The following MCC variants were observed in gnomAD, a reference collection of about 807,000 sequenced individuals.
MCC encodes MCC regulator of Wnt signaling pathway, also known as colorectal mutant cancer protein.
MCC carries 90 observed loss-of-function variants against 116.2 expected under a neutral mutation model. The ratio of observed to expected loss-of-function variants is 0.77; its 90% CI spans 0.65 to 0.92. The LOEUF (loss-of-function observed/expected upper bound fraction) is 0.92. MCC is among the 40% of genes least tolerant of loss of function. The pLI is 0.00. For synonymous variants in MCC, 578 were observed against 510.5 expected (o/e 1.13, Z -1.78); for missense variants, 1,516 against 1,312.2 (o/e 1.16, Z -2.40).
chr5:113,108,331 T>TAAAAAAAA (rs56780207), intron 6 of MCC, among the ~76,000 whole-genome samples: 4 of 42,724 alleles, frequency 9.4e-5, no homozygotes, highest in African/African-American at 3.0e-4. Flanking sequence ...CACTCTATCT[T>TAAAAAAAA]AAAAAAAAAA....
intron 3 of MCC, among the ~76,000 whole-genome samples, chr5:113,277,458 T>C (rs2150355701): frequency 6.6e-6 from 1 of 152,300 alleles, no homozygotes; most frequent in East Asian, 1.9e-4. Context: ...TGTATGAATA[T>C]GCACTATTTT....
chr5:113,332,738 C>G (rs1257368147), intron 3 of MCC, among the ~76,000 whole-genome samples: 1 of 151,518 alleles, frequency 6.6e-6, no homozygotes, highest in Non-Finnish European at 1.5e-5. Context: ...TAGTTTGTAT[C>G]TCTACCAAAC....
intron 1 of MCC, among the ~76,000 whole-genome samples, chr5:113,410,048 A>C (rs1769939874): frequency 6.6e-6 from 1 of 151,600 alleles, no homozygotes; most frequent in Admixed American, 6.6e-5. Flanking sequence ...GGATCTGTCT[A>C]TGTAACGGAA....
intron 3 of MCC, among the ~76,000 whole-genome samples, chr5:113,153,164 G>A (rs376632333): frequency 2.0e-5 from 3 of 152,206 alleles, no homozygotes; most frequent in African/African-American, 2.4e-5. Flanking sequence ...CCTCACCTCC[G>A]GCGAAAAGGA....
intron 14 of MCC, among the ~76,000 whole-genome samples, chr5:113,055,935 G>A: frequency 6.6e-6 from 1 of 152,200 alleles, no homozygotes; most frequent in East Asian, 1.9e-4. Flanking sequence ...TCAGACTCAG[G>A]ATGGCAACAT....
chr5:113,209,848 G>GAACA (rs373662127), intron 3 of MCC, among the ~76,000 whole-genome samples: 8 of 151,710 alleles, frequency 5.3e-5, no homozygotes, highest in East Asian at 3.9e-4. Context: ...AGTCTGACCA[G>GAACA]AACAAACAAA....
At chr5:113,328,321 T>A (rs1276274464) in intron 3 of MCC, among the ~76,000 whole-genome samples, 1 of 152,200 alleles carries the variant, frequency 6.6e-6, no homozygotes. Context: ...AACACATTAA[T>A]TCCTTCTGCC....
At chr5:113,105,550 C>T (rs181989509) in intron 6 of MCC, among the ~76,000 whole-genome samples, 1 of 152,330 alleles carries the variant, frequency 6.6e-6, no homozygotes. Flanking sequence ...CCATGAATGG[C>T]ACCCCTATCC....
chr5:113,387,080 C>T (rs1021580453), intron 1 of MCC, among the ~76,000 whole-genome samples: 11 of 152,034 alleles, frequency 7.2e-5, no homozygotes, highest in African/African-American at 2.4e-4. Context: ...TGAGCTTGTC[C>T]CCTTTTGCTT....
At chr5:113,487,645 T>C (rs1025388393) in intron 1 of MCC, among the ~76,000 whole-genome samples, 3 of 152,268 alleles carry the variant, frequency 2.0e-5, no homozygotes, top group Admixed American at 2.0e-4. Context: ...AGTTTGCTCC[T>C]GAGCGCTTCG....
chr5:113,456,030 A>T (rs1414191157), intron 1 of MCC, among the ~76,000 whole-genome samples: 2 of 152,246 alleles, frequency 1.3e-5, no homozygotes, highest in East Asian at 3.8e-4. Context: ...AAATTATGTA[A>T]TATTTGATAT....
At chr5:113,124,287 CTT>C (rs1258912106) in intron 5 of MCC, among the ~76,000 whole-genome samples, 3 of 152,206 alleles carry the variant, frequency 2.0e-5, no homozygotes, top group Admixed American at 2.0e-4. Context: ...AAAAAGCACT[CTT>C]AAGTGCCTTT....
intron 3 of MCC, among the ~76,000 whole-genome samples, chr5:113,192,475 C>G (rs1762193965): frequency 6.6e-6 from 1 of 152,188 alleles, no homozygotes; most frequent in Non-Finnish European, 1.5e-5. Flanking sequence ...ACCTATACCC[C>G]CTACCTTTTT....
chr5:113,359,559 C>T (rs1183136489), intron 2 of MCC, among the ~76,000 whole-genome samples: 1 of 152,216 alleles, frequency 6.6e-6, no homozygotes, highest in African/African-American at 2.4e-5. Context: ...AAAGTGTCTG[C>T]CCTTGGGCAG....
At chr5:113,421,518 C>T (rs1247000116) in intron 1 of MCC, among the ~76,000 whole-genome samples, 1 of 152,172 alleles carries the variant, frequency 6.6e-6, no homozygotes, top group East Asian at 1.9e-4. Flanking sequence ...CTTTCCTAGG[C>T]AGTACGATTC....
At chr5:113,414,727 A>T (rs946942070) in intron 1 of MCC, among the ~76,000 whole-genome samples, 1 of 152,142 alleles carries the variant, frequency 6.6e-6, no homozygotes, top group African/African-American at 2.4e-5. Flanking sequence ...CCAATTTGCC[A>T]GTCTGTGTCT....
intron 7 of MCC, among the ~76,000 whole-genome samples, chr5:113,102,983 G>A (rs569175039): frequency 1.9e-4 from 29 of 152,020 alleles, no homozygotes; most frequent in Middle Eastern, 3.4e-3. Context: ...GCGTGGTGGC[G>A]CCCGCCTGTA....
At chr5:113,101,477 A>C (rs963916176) in intron 8 of MCC, 4 of 484,146 alleles carry the variant, frequency 8.3e-6, no homozygotes, top group East Asian at 7.2e-5. Context: ...GAAAGTTTAG[A>C]ATCACTGCCC....
At chr5:113,454,010 T>C (rs943008435) in intron 1 of MCC, among the ~76,000 whole-genome samples, 2 of 152,068 alleles carry the variant, frequency 1.3e-5, no homozygotes, top group South Asian at 2.1e-4. Flanking sequence ...TTCGGCAGGC[T>C]GAGGCAGGAG....
Sources: gnomAD v4.1 joint callset for allele counts (sites outside exome capture counted in the v4.1 genomes callset) on GRCh38, gnomAD v4.1.1 for gene constraint, MANE v1.5 for transcripts, NCBI Gene and HGNC (gene_info 2026-07-23, HGNC 2026-07-21) for gene names.